Variants in NANOS3 observed in about 807,000 individuals in gnomAD.
NANOS3 encodes nanos homolog 3.
A neutral mutation model predicts 13.8 loss-of-function variants in NANOS3; 11 were observed. The ratio of observed to expected loss-of-function variants is 0.80; its 90% CI spans 0.50 to 1.32. The LOEUF is 1.32. NANOS3 is among the 40% of genes most tolerant of loss of function. NANOS3 has a pLI of 0.00. For missense variants in NANOS3, 221 were observed against 263.8 expected, an observed-to-expected ratio of 0.84 and a Z score of 1.12; for synonymous variants, 119 against 115.4, an observed-to-expected ratio of 1.03 and a Z score of -0.20.
At chr19:13,866,243 C>G (rs993440622) in intron 1 of NANOS3, among the ~76,000 whole-genome samples, 5 of 152,248 alleles carry the variant, frequency 3.3e-5, no homozygotes, top group Non-Finnish European at 4.4e-5. Flanking sequence ...CCTTTCACGG[C>G]GACCTGCCCT....
At chr19:13,878,640 C>G (rs377388552) in intron 1 of NANOS3, among the ~76,000 whole-genome samples, 2 of 145,484 alleles carry the variant, frequency 1.4e-5, no homozygotes, top group African/African-American at 5.1e-5. Flanking sequence ...GATAGAGTCT[C>G]GCTCTATCCA....
chr19:13,864,645 A>T (rs776049229), upstream of NANOS3, among the ~76,000 whole-genome samples: 9 of 151,874 alleles, frequency 5.9e-5, no homozygotes, highest in Non-Finnish European at 1.3e-4. Context: ...GGTATATCTC[A>T]GGTCTGTGGA....
chr19:13,866,415 G>A (rs966918037), intron 1 of NANOS3, among the ~76,000 whole-genome samples: 1 of 151,352 alleles, frequency 6.6e-6, no homozygotes, highest in Non-Finnish European at 1.5e-5. Flanking sequence ...AGCCAGCCAC[G>A]ATTAGATATT....
rs542675143 is a variant in NANOS3 at position 13,869,769 on chromosome 19, C to T, written n.21+4332C>T. Among the ~76,000 whole-genome samples the T allele has an allele frequency of 6.6e-4, 99 of 150,532 alleles. 1 individual carries two copies. The highest frequency in any genetic ancestry group is 2.1e-3 in the African/African-American group (86 of 40,822). The stretch of plus-strand genomic sequence containing the variant: ...AGGCCCAAGTACACACACACACACA[C>T]GCACGCACACACACACACACACGCA... On this transcript the variant is annotated intron_variant and non_coding_transcript_variant, in intron 1 of 2. Coordinates refer to the NANOS3 transcript ENST00000591161.
chr19:13,873,765 C>T (rs1198756868), upstream of NANOS3, among the ~76,000 whole-genome samples: 1 of 152,148 alleles, frequency 6.6e-6, no homozygotes, highest in African/African-American at 2.4e-5. Flanking sequence ...CCGCAGCACC[C>T]GGCCATGCCG....
At chr19:13,879,950 C>T (rs1434804938) in intron 1 of NANOS3, among the ~76,000 whole-genome samples, 3 of 152,138 alleles carry the variant, frequency 2.0e-5, no homozygotes, top group African/African-American at 7.2e-5. Flanking sequence ...CGCTAGAACC[C>T]GGGAGGTGGA....
chr19:13,875,188 CTTT>C (rs376046818), upstream of NANOS3, among the ~76,000 whole-genome samples: 1,558 of 141,872 alleles, frequency 0.011, 26 homozygotes, highest in African/African-American at 0.038. Flanking sequence ...CTAAAATCCC[CTTT>C]TTTTTTTTTT....
At chr19:13,879,567 G>A in intron 1 of NANOS3, among the ~76,000 whole-genome samples, 1 of 151,952 alleles carries the variant, frequency 6.6e-6, no homozygotes, top group East Asian at 1.9e-4. Context: ...GAAACCCAGT[G>A]TCTACAAAAA....
upstream of NANOS3, among the ~76,000 whole-genome samples, chr19:13,874,134 T>G (rs1968458304): frequency 6.6e-6 from 1 of 152,174 alleles, no homozygotes; most frequent in South Asian, 2.1e-4. Flanking sequence ...CTCTCCCCTG[T>G]CTAGTGGGGC....
chr19:13,866,771 C>T (rs1160365772), intron 1 of NANOS3, among the ~76,000 whole-genome samples: 1 of 152,098 alleles, frequency 6.6e-6, no homozygotes, highest in Non-Finnish European at 1.5e-5. Flanking sequence ...CACACAGACT[C>T]CGACTCCATC....
chr19:13,866,024 C>T (rs962307086), intron 1 of NANOS3, among the ~76,000 whole-genome samples: 17 of 152,078 alleles, frequency 1.1e-4, no homozygotes, highest in Non-Finnish European at 1.5e-4. Context: ...GGCCTGGCCG[C>T]GGGCTGGGGG....
At chr19:13,878,320 C>T (rs1457643584) in intron 1 of NANOS3, among the ~76,000 whole-genome samples, 1 of 152,028 alleles carries the variant, frequency 6.6e-6, no homozygotes, top group East Asian at 1.9e-4. Flanking sequence ...CTCACTGCAA[C>T]CTCTGCCTTC....
At chr19:13,866,134 A>G (rs1041351769) in intron 1 of NANOS3, among the ~76,000 whole-genome samples, 10 of 152,238 alleles carry the variant, frequency 6.6e-5, no homozygotes, top group Non-Finnish European at 1.5e-4. Context: ...TACTGGGGCC[A>G]AGGTTTGCGA....
rs1968528636 is a variant in NANOS3 at position 13,877,174 on chromosome 19, C to T, written c.-75C>T. 1.5e-6 allele frequency: 2 copies of T among 1,292,864 alleles called. No individual in the cohort carries two copies. The highest frequency in any genetic ancestry group is 1.9e-5 in the Admixed American group (1 of 52,826). 80.1% of individuals were successfully genotyped at this position (1,292,864 alleles called of 1,614,324 possible). ...GAAGGAAGGGGCAGCAGAGAGGGGT[C>T]AGAAGGAGGGAGCTTAAGCCAGGCA... On this transcript the variant is annotated 5_prime_UTR_variant, in exon 1 of 2. Transcript: ENST00000339133.
Position 13,877,705 on chromosome 19 carries a change from C to A in NANOS3, c.457C>A (p.Arg153=). Reference sequence around the variant, plus strand: ...AAACTCGGCAGGCAAGAAGCTGGTCCGGCCTGACAAGGCGAAGACACAGGA... The same window carrying A: ...AAACTCGGCAGGCAAGAAGCTGGTCAGGCCTGACAAGGCGAAGACACAGGA... ...TRNSAGKKLV[R]PDKAKTQDTG... The change falls in exon 1 of 2, where the codon CGG becomes AGG. Residue 153 remains arginine (R), a synonymous_variant. Transcript: ENST00000339133. 1.9e-6 allele frequency: 3 copies of A among 1,607,240 alleles called. No individual in the cohort carries two copies. The highest frequency in any genetic ancestry group is 2.5e-6 in the Non-Finnish European group (3 of 1,177,924).
rs192383085 is a variant in NANOS3, at chr19:13,871,700, T to C, written n.22-5968T>C. Among the ~76,000 whole-genome samples the C allele has an allele frequency of 3.0e-4, 46 of 152,298 alleles. No homozygotes were observed. The East Asian group carries it at 8.7e-3, about 29-fold the overall frequency. ...CCCCCGCCCCCAACATTAAAGCTGT[T>C]CACAGTCATCAAGAAGAAAGATTCC... On this transcript the variant is annotated intron_variant and non_coding_transcript_variant, in intron 1 of 2. Coordinates refer to the NANOS3 transcript ENST00000591161.
chr19:13,879,910 C>T (rs190377762), intron 1 of NANOS3, among the ~76,000 whole-genome samples: 1 of 152,258 alleles, frequency 6.6e-6, no homozygotes, highest in Non-Finnish European at 1.5e-5. Flanking sequence ...CCTGTAATCC[C>T]TGCTACTCGG....
upstream of NANOS3, among the ~76,000 whole-genome samples, chr19:13,873,702 C>T (rs1339110396): frequency 6.6e-6 from 1 of 152,054 alleles, no homozygotes; most frequent in African/African-American, 2.4e-5. Context: ...ATCTCCTGGG[C>T]TCAAAAGATC....
chr19:13,873,620 G>T (rs141713069), upstream of NANOS3, among the ~76,000 whole-genome samples: 7 of 152,024 alleles, frequency 4.6e-5, no homozygotes, highest in East Asian at 1.4e-3. Context: ...AAGACTACAG[G>T]CTCACTACAC....
Sources: allele counts gnomAD v4.1 joint callset (sites outside exome capture counted in the v4.1 genomes callset), GRCh38; gene constraint gnomAD v4.1.1; transcripts MANE v1.5; gene names NCBI Gene and HGNC (gene_info 2026-07-23, HGNC 2026-07-21).